Variants in HAO2 observed in about 807,000 individuals in gnomAD.
The protein encoded by HAO2 is hydroxyacid oxidase 2, also known as 2-Hydroxyacid oxidase 2.
A neutral mutation model predicts 37.4 loss-of-function variants in HAO2; 42 were observed. The ratio of observed to expected loss-of-function variants is 1.12; its 90% CI spans 0.88 to 1.45. HAO2 has a LOEUF of 1.45. Among genes scored for constraint, HAO2 ranks in the 40% most tolerant of loss-of-function variants. The pLI, the probability that HAO2 is intolerant of heterozygous loss-of-function variation, is 0.00. For synonymous variants in HAO2, 180 were observed against 162.8 expected (o/e 1.11, Z -0.81); for missense variants, 476 against 430.2 (o/e 1.11, Z -0.94).
intron 3 of HAO2, among the ~76,000 whole-genome samples, chr1:119,383,388 C>A (rs587595362): frequency 6.6e-6 from 1 of 152,088 alleles, no homozygotes; most frequent in Admixed American, 6.5e-5. Flanking sequence ...GGATGCTTAA[C>A]GCAGCCCCAA....
chr1:119,380,303 C>A (rs927750656), intron 1 of HAO2, among the ~76,000 whole-genome samples: 2 of 152,104 alleles, frequency 1.3e-5, no homozygotes, highest in African/African-American at 4.8e-5. Flanking sequence ...CCAAGCTCTG[C>A]GTTTATAGGG....
rs1650266242 is a variant in HAO2, at chr1:119,384,989, G to A, written c.497G>A (p.Arg166Gln). 16 of 1,613,678 alleles carry A rather than the reference G, an allele frequency of 9.9e-6. No homozygotes were observed. The highest frequency in any genetic ancestry group is 4.4e-5 in the South Asian group (4 of 91,070). ...TLDTPVCGNR[R>Q]HDIRNQLRRN... ...GATACACCTGTATGTGGCAACAGGC[G>A]ACATGACATTCGAAACCAGTTGAGG... Residue 166 changes from arginine (R) to glutamine (Q), a missense_variant, in exon 4 of 8, where the codon CGA (arginine) becomes CAA (glutamine). Coordinates refer to ENST00000325945, the MANE Select transcript of HAO2 (RefSeq NM_016527.4).
At chr1:119,389,045 A>T (rs1650610012) in intron 5 of HAO2, among the ~76,000 whole-genome samples, 1 of 144,414 alleles carries the variant, frequency 6.9e-6, no homozygotes, top group Non-Finnish European at 1.5e-5. Context: ...CCATTCCTGA[A>T]TTACTTCACT....
intron 1 of HAO2, 75 bp from the exon 2 acceptor site, chr1:119,381,003 C>G: frequency 2.4e-6 from 3 of 1,243,672 alleles, no homozygotes; most frequent in Non-Finnish European, 3.5e-6. Flanking sequence ...CATACTGCAG[C>G]TTCCCCTTCA....
chr1:119,369,846 A>G (rs957631303), intron 1 of HAO2, among the ~76,000 whole-genome samples: 3 of 152,066 alleles, frequency 2.0e-5, no homozygotes, highest in Non-Finnish European at 4.4e-5. Context: ...CTTCGACTGT[A>G]AGCTTCTTGA....
At chr1:119,389,387 G>T (rs1398886973) in intron 5 of HAO2, among the ~76,000 whole-genome samples, 2 of 150,968 alleles carry the variant, frequency 1.3e-5, no homozygotes, top group Non-Finnish European at 3.0e-5. Context: ...TTCCATAATA[G>T]TTGTACTAGC....
chr1:119,386,686 C>T lies in HAO2; in HGVS notation c.626C>T (p.Ser209Phe). 4 of 1,613,410 alleles carry T rather than the reference C, an allele frequency of 2.5e-6. No individual in the cohort carries two copies. The highest frequency in any genetic ancestry group is 1.7e-6 in the Non-Finnish European group (2 of 1,179,364). The change falls in exon 5 of 8, where the codon TCC becomes TTC. Residue 209 changes from serine (S) to phenylalanine (F), a missense_variant. Ser to Phe is a radical substitution (Grantham distance 155, BLOSUM62 -2). Coordinates refer to ENST00000325945, the MANE Select transcript of HAO2 (RefSeq NM_016527.4). ...ISTSLCWNDL[S>F]WFQSITRLPI... ...ACTTCTCTCTGCTGGAATGATCTCT[C>T]CTGGTTTCAGAGCATAACTCGATTG...
At position 119,392,697 on chromosome 1, in the gene HAO2, C is replaced by A; in HGVS notation, c.1000+10C>A. On this transcript the variant is annotated intron_variant, in intron 7 of 7. Coordinates refer to ENST00000325945, the MANE Select transcript of HAO2 (RefSeq NM_016527.4). ...TCCATGGCCCTTACAGGTAAGTTAA[C>A]ATGTTTTCCCTGATTTGGAACTTAA... The A allele has an allele frequency of 6.5e-7, 1 of 1,543,758 alleles. No homozygotes were observed. Among genetic ancestry groups the A allele is most frequent in the Non-Finnish European group, 9.0e-7 (1 of 1,116,052 alleles).
intron 1 of HAO2, among the ~76,000 whole-genome samples, chr1:119,372,286 T>C (rs1029214819): frequency 6.6e-6 from 1 of 152,158 alleles, no homozygotes; most frequent in Non-Finnish European, 1.5e-5. Context: ...GTAGGCTTAA[T>C]TAGAGGAAGA....
chr1:119,392,607 C>T lies in HAO2; in HGVS notation c.931-11C>T, dbSNP rs1392104375. On this transcript the variant is annotated splice_polypyrimidine_tract_variant and intron_variant, in intron 6 of 7. Transcript: ENST00000325945. ...TCTCTTTGTGTCTCTGTCTGTCTGC[C>T]TCGGGAGCAGGGTGAACATGGTGTT... 3 of 1,587,656 alleles carry T rather than the reference C, an allele frequency of 1.9e-6. No homozygotes were observed. Among genetic ancestry groups the T allele is most frequent in the Non-Finnish European group, 2.6e-6 (3 of 1,156,134 alleles).
Position 119,382,961 on chromosome 1 carries a change from A to G in HAO2, c.178A>G (p.Thr60Ala). The G allele has an allele frequency of 6.2e-7, 1 of 1,613,486 alleles. No individual in the cohort carries two copies. The highest frequency in any genetic ancestry group is 8.5e-7 in the Non-Finnish European group (1 of 1,179,490). Reference sequence around the variant, plus strand: ...CCTGAGAGATGTGTCTGAGGTGGACACCAGAACCACAATCCAAGGGGAGGA... The same window carrying G: ...CCTGAGAGATGTGTCTGAGGTGGACGCCAGAACCACAATCCAAGGGGAGGA... ...RYLRDVSEVD[T>A]RTTIQGEEIS... Residue 60 changes from threonine to alanine, a missense_variant, in exon 3 of 8, where the codon ACC (threonine) becomes GCC (alanine). Thr to Ala is a moderately conservative substitution (Grantham distance 58, BLOSUM62 0). Transcript: ENST00000325945.
chr1:119,370,843 A>G (rs946099382), intron 1 of HAO2, among the ~76,000 whole-genome samples: 3 of 152,128 alleles, frequency 2.0e-5, no homozygotes, highest in Admixed American at 6.5e-5. Flanking sequence ...TCCATCCCCA[A>G]CTGCTCTGCC....
chr1:119,370,433 T>C (rs765898196), intron 1 of HAO2: 1 of 152,168 alleles, frequency 6.6e-6, no homozygotes, highest in African/African-American at 2.4e-5. Flanking sequence ...AAATCACACA[T>C]GTCATCAACA....
In HAO2 at chr1:119,383,751, C is replaced by T. The variant is rs587775853; in HGVS notation, c.283+685C>T. 3.3e-5 allele frequency among the ~76,000 whole-genome samples: 5 copies of T among 152,154 alleles called. No individual in the cohort carries two copies. In the South Asian group the frequency reaches 1.0e-3, roughly 32 times the overall value. ...CTTTCGTAATCTTCACTCTAAGTCA[C>T]ATCTGTTTTTGTGAATTTCTCAGCG... On this transcript the variant is annotated intron_variant, in intron 3 of 7. Coordinates refer to ENST00000325945, the MANE Select transcript of HAO2 (RefSeq NM_016527.4).
At chr1:119,383,598 T>A (rs781277720) in intron 3 of HAO2, among the ~76,000 whole-genome samples, 1 of 152,130 alleles carries the variant, frequency 6.6e-6, no homozygotes, top group Non-Finnish European at 1.5e-5. Context: ...GGGTTACATC[T>A]CCTTCCCAGT....
intron 1 of HAO2, among the ~76,000 whole-genome samples, chr1:119,373,173 C>T (rs956527835): frequency 1.3e-5 from 2 of 152,140 alleles, no homozygotes; most frequent in South Asian, 2.1e-4. Context: ...AAGTTTATTC[C>T]GTATTCCAAC....
intron 1 of HAO2, among the ~76,000 whole-genome samples, chr1:119,379,775 G>T (rs1649772631): frequency 6.6e-6 from 1 of 151,960 alleles, no homozygotes; most frequent in Admixed American, 6.6e-5. Context: ...ATTTCTTCCT[G>T]CTTGGCCCTT....
Position 119,384,757 on chromosome 1 carries a change from C to A in HAO2, c.284-19C>A. Reference sequence around the variant, plus strand: ...GAGGCCTCTGCCCTCCAGCCTGAGTCATGTCCTTTGCTTTACAGCTGCCCA... The same window carrying A: ...GAGGCCTCTGCCCTCCAGCCTGAGTAATGTCCTTTGCTTTACAGCTGCCCA... On this transcript the variant is annotated intron_variant, in intron 3 of 7. Transcript: ENST00000325945. The A allele has an allele frequency of 2.5e-6, 4 of 1,611,486 alleles. No individual in the cohort carries two copies. The South Asian group carries it at 4.4e-5, about 18-fold the overall frequency.
chr1:119,390,224 C>T (rs924900817), intron 5 of HAO2, among the ~76,000 whole-genome samples: 3 of 152,058 alleles, frequency 2.0e-5, no homozygotes, highest in East Asian at 1.9e-4. Flanking sequence ...AAATAAAAGA[C>T]ATTTTTATAG....
Sources: gnomAD v4.1 joint callset for allele counts (sites outside exome capture counted in the v4.1 genomes callset) on GRCh38, gnomAD v4.1.1 for gene constraint, MANE v1.5 for transcripts, NCBI Gene and HGNC (gene_info 2026-07-23, HGNC 2026-07-21) for gene names.